GABRR3: variants seen among roughly 807,000 people sequenced by gnomAD.
The protein encoded by GABRR3 is gamma-aminobutyric acid type A receptor subunit rho3, also known as gamma-aminobutyric acid receptor subunit rho-3.
A neutral mutation model predicts 43.2 loss-of-function variants in GABRR3; 29 were observed. The observed-to-expected ratio is 0.67, with a 90% CI of 0.50 to 0.92. GABRR3 has a LOEUF of 0.92. Ranked by LOEUF, GABRR3 falls within the 40% of genes least tolerant of loss-of-function variation. GABRR3 has a pLI of 0.00. For synonymous variants in GABRR3, 206 were observed against 195.9 expected (o/e 1.05, Z -0.43); for missense variants, 576 against 572.3 (o/e 1.01, Z -0.07).
rs1576041841 is a variant in GABRR3 at position 98,007,538 on chromosome 3, G to A, written c.754+226C>T. Among the ~76,000 whole-genome samples the A allele has an allele frequency of 2.0e-5, 3 of 152,328 alleles. 1 individual carries two copies. In the South Asian group the frequency reaches 6.2e-4, roughly 32 times the overall value. ...TTACTCTGTCTGCTGTATTGAGACT[G>A]GAGAAGTCAAGAATGGAAGCAAGGC... On this transcript the variant is annotated intron_variant, in intron 7 of 9. Coordinates refer to ENST00000621172, the Ensembl canonical transcript of GABRR3.
intron 8 of GABRR3, among the ~76,000 whole-genome samples, chr3:97,995,268 C>T (rs919615403): frequency 8.5e-5 from 13 of 152,122 alleles, no homozygotes; most frequent in South Asian, 2.1e-4. Flanking sequence ...TGAGCCACCA[C>T]GCCCAGCTAA....
chr3:98,015,031 C>T (rs776796615), intron 4 of GABRR3, among the ~76,000 whole-genome samples: 14 of 152,098 alleles, frequency 9.2e-5, no homozygotes, highest in Non-Finnish European at 1.8e-4. Context: ...TTTATAAGAA[C>T]ACACATGTAA....
intron 8 of GABRR3, among the ~76,000 whole-genome samples, chr3:97,997,213 G>A (rs1706572722): frequency 6.6e-6 from 1 of 152,154 alleles, no homozygotes; most frequent in Non-Finnish European, 1.5e-5. Context: ...CATCACTGAA[G>A]GCTTTCGGCC....
chr3:98,002,879 C>A (rs534070424), intron 7 of GABRR3, among the ~76,000 whole-genome samples: 2 of 152,106 alleles, frequency 1.3e-5, no homozygotes, highest in African/African-American at 4.8e-5. Flanking sequence ...CCCAAGACGG[C>A]AAACCTATTA....
At position 98,025,511 on chromosome 3, in the gene GABRR3, C is replaced by T. The variant is rs544643201; in HGVS notation, c.238+56G>A. The T allele has an allele frequency of 3.4e-6, 4 of 1,159,960 alleles. No homozygotes were observed. The South Asian group carries it at 5.2e-5, about 15-fold the overall frequency. 71.9% of individuals were successfully genotyped at this position (1,159,960 alleles called of 1,614,324 possible). ...TTTTGGTCTTGTTTTAAATTTTCAC[C>T]TCCATTTTGACAGTGCAATGGGTTT... On this transcript the variant is annotated intron_variant, in intron 3 of 9. Transcript: ENST00000621172.
chr3:98,007,305 C>A (rs142614650), intron 7 of GABRR3, among the ~76,000 whole-genome samples: 2 of 151,980 alleles, frequency 1.3e-5, no homozygotes, highest in Admixed American at 6.6e-5. Context: ...CAAGGCCAAG[C>A]AGAGGCCCTG....
At chr3:98,035,130 A>T (rs1189292341) in intron 1 of GABRR3, 60 bp downstream of exon 1, 5 of 959,534 alleles carry the variant, frequency 5.2e-6, no homozygotes, top group South Asian at 2.0e-5. Context: ...ATTGTCTTCA[A>T]TGCTGCACTT....
At chr3:98,011,888 T>C (rs1006702367) in intron 5 of GABRR3, among the ~76,000 whole-genome samples, 1 of 152,074 alleles carries the variant, frequency 6.6e-6, no homozygotes, top group Non-Finnish European at 1.5e-5. Context: ...ATTTTAAAAT[T>C]AAAAGAAAAG....
At chr3:98,034,978 C>G in exon 2 of GABRR3, 1 of 1,612,220 alleles carries the variant, frequency 6.2e-7, no homozygotes, top group African/African-American at 1.3e-5. Context: ...AACTGGAAAG[C>G]CAGGACCATC....
Position 98,017,700 on chromosome 3 carries a change from T to C in GABRR3, c.261A>G (p.Ile87Met), listed in dbSNP as rs762143862. 2.1e-5 allele frequency: 34 copies of C among 1,610,802 alleles called. No individual in the cohort carries two copies. In the Admixed American group the frequency reaches 5.3e-4, roughly 25 times the overall value. ...TGTCAATGCTTTCAACATGGACATC[T>C]ATACCTACTGGCACTGGAGACCCTT... The change falls in exon 4 of 10, where the codon ATA becomes ATG. Residue 87 changes from isoleucine to methionine, a missense_variant. By Grantham distance (10) the Ile-to-Met change is conservative. Coordinates refer to ENST00000621172, the Ensembl canonical transcript of GABRR3.
At chr3:97,985,556 C>T (rs1478285332), downstream of GABRR3, among the ~76,000 whole-genome samples, 1 of 152,222 alleles carries the variant, frequency 6.6e-6, no homozygotes, top group Non-Finnish European at 1.5e-5. Flanking sequence ...CAGTTCACTG[C>T]TCCTGTTGGC....
chr3:98,020,305 A>G (rs17376145), intron 3 of GABRR3, among the ~76,000 whole-genome samples: 18,227 of 152,134 alleles, frequency 0.12, 1,373 homozygotes, highest in Non-Finnish European at 0.18. Flanking sequence ...AGGACTAGAC[A>G]TAGTACAGTT....
Position 98,009,053 on chromosome 3 carries a change from A to T in GABRR3, c.531-15T>A. 1 of 1,560,462 alleles carries T rather than the reference A, an allele frequency of 6.4e-7. No individual in the cohort carries two copies. The highest frequency in any genetic ancestry group is 2.3e-5 in the East Asian group (1 of 43,684). ...AAACCGTTATCCTATAAAAAGAATG[A>T]GAAAAAGAAAACTGCAGATCATTTA... On this transcript the variant is annotated splice_polypyrimidine_tract_variant and intron_variant, in intron 5 of 9. Transcript: ENST00000621172.
exon 1 of GABRR3, chr3:98,035,224 A>T (rs1383135228): frequency 1.0e-5 from 5 of 496,554 alleles, no homozygotes; most frequent in African/African-American, 9.7e-5. Flanking sequence ...AACAAAGCAG[A>T]TTTTTAAAAT....
downstream of GABRR3, among the ~76,000 whole-genome samples, chr3:97,985,525 TC>T (rs1487541043): frequency 3.3e-5 from 5 of 152,240 alleles, no homozygotes; most frequent in Non-Finnish European, 7.3e-5. Flanking sequence ...GTTTTAACAT[TC>T]GTCACATGTT....
exon 6 of GABRR3, chr3:98,008,987 G>A: frequency 6.2e-7 from 1 of 1,607,374 alleles, no homozygotes; most frequent in Non-Finnish European, 8.5e-7. Flanking sequence ...AATTTTGAGT[G>A]TCAAGAGGAA....
At chr3:97,985,973 T>A (rs897745902), downstream of GABRR3, among the ~76,000 whole-genome samples, 11 of 152,042 alleles carry the variant, frequency 7.2e-5, no homozygotes, top group Non-Finnish European at 1.3e-4. Context: ...TTAAAGTGAT[T>A]CTCCTGCCTC....
chr3:98,012,366 C>T, exon 5 of GABRR3: 1 of 1,613,800 alleles, frequency 6.2e-7, no homozygotes, highest in Non-Finnish European at 8.5e-7. Context: ...AGGACGTTTC[C>T]ATCAGGGTGT....
intron 3 of GABRR3, among the ~76,000 whole-genome samples, chr3:98,023,866 G>A (rs191575279): frequency 7.1e-4 from 108 of 152,258 alleles, no homozygotes; most frequent in Non-Finnish European, 1.1e-3. Flanking sequence ...TCAGCCTCCC[G>A]AGGAGCTCTC....
Sources: allele counts gnomAD v4.1 joint callset (sites outside exome capture counted in the v4.1 genomes callset), GRCh38; gene constraint gnomAD v4.1.1; transcripts MANE v1.5; gene names NCBI Gene and HGNC (gene_info 2026-07-23, HGNC 2026-07-21).